Variants in CDH13 observed in about 807,000 individuals in gnomAD.
CDH13 encodes the protein cadherin-13.
CDH13 carries 24 observed loss-of-function variants against 63.8 expected under a neutral mutation model. The observed-to-expected ratio is 0.38, with a 90% CI of 0.27 to 0.53. The LOEUF is 0.53. CDH13 is among the 20% of genes least tolerant of loss of function. The pLI, the probability that CDH13 is intolerant of heterozygous loss-of-function variation, is 0.85. For synonymous variants in CDH13, 503 were observed against 355.3 expected (o/e 1.42, Z -4.67); for missense variants, 1,049 against 903.1 (o/e 1.16, Z -2.07).
At position 83,470,335 on chromosome 16, in the gene CDH13, A is replaced by G. The variant is rs542079871; in HGVS notation, c.782-16142A>G. ...GTCTCCCAAACTGCTGGGATTACAG[A>G]TGTGAGCACTACACCCAGCCAATCT... On this transcript the variant is annotated intron_variant, in intron 6 of 13. Coordinates refer to ENST00000567109, the MANE Select transcript of CDH13 (RefSeq NM_001257.5). Among the ~76,000 whole-genome samples, 6 of 152,204 alleles carry G rather than the reference A, an allele frequency of 3.9e-5. No homozygotes were observed. The South Asian group carries it at 1.2e-3, about 32-fold the overall frequency.
chr16:83,483,588 A>G lies in CDH13; in HGVS notation c.782-2889A>G, dbSNP rs141201984. Reference sequence around the variant, plus strand: ...GCAGATTAAATAGGGCACAAATCCAATCAATCGAGCATTCATTAGACATTA... The same window carrying G: ...GCAGATTAAATAGGGCACAAATCCAGTCAATCGAGCATTCATTAGACATTA... On this transcript the variant is annotated intron_variant, in intron 6 of 13. Coordinates refer to ENST00000567109, the MANE Select transcript of CDH13 (RefSeq NM_001257.5). Among the ~76,000 whole-genome samples, 489 of 152,192 alleles carry G rather than the reference A, an allele frequency of 3.2e-3. 1 individual carries two copies. Among genetic ancestry groups the G allele is most frequent in the African/African-American group, 0.011 (460 of 41,526 alleles).
intron 2 of CDH13, among the ~76,000 whole-genome samples, chr16:83,004,485 G>C (rs1913270372): frequency 6.6e-6 from 1 of 152,030 alleles, no homozygotes; most frequent in Admixed American, 6.5e-5. Flanking sequence ...GTCATGCAAG[G>C]ACCCCTGTTT....
At position 83,346,181 on chromosome 16, in the gene CDH13, T is replaced by C. The variant is rs75215684; in HGVS notation, c.781+1175T>C. Among the ~76,000 whole-genome samples the C allele has an allele frequency of 5.0e-3, 764 of 152,186 alleles. 6 individuals are homozygous for C. The highest frequency in any genetic ancestry group is 0.017 in the African/African-American group (714 of 41,514). On this transcript the variant is annotated intron_variant, in intron 6 of 13. Coordinates refer to ENST00000567109, the MANE Select transcript of CDH13 (RefSeq NM_001257.5). Reference sequence around the variant, plus strand: ...CACTGCGTGTGTGCTGGAGGGTGTTTAGGGGAGTGTTGGAGGCAGATGGCA... The same window carrying C: ...CACTGCGTGTGTGCTGGAGGGTGTTCAGGGGAGTGTTGGAGGCAGATGGCA...
chr16:82,721,551 T>C (rs2032771959), intron 1 of CDH13, among the ~76,000 whole-genome samples: 1 of 152,032 alleles, frequency 6.6e-6, no homozygotes, highest in Non-Finnish European at 1.5e-5. Context: ...AGAAAGGTAC[T>C]CCAGGTAGAA....
At chr16:82,772,989 C>A (rs1275133205) in intron 1 of CDH13, among the ~76,000 whole-genome samples, 21 of 152,068 alleles carry the variant, frequency 1.4e-4, no homozygotes, top group Admixed American at 1.0e-3. Context: ...GGAAAAAAAA[C>A]CATGTAGAGA....
intron 4 of CDH13, among the ~76,000 whole-genome samples, chr16:83,126,084 A>G (rs2035799426): frequency 6.6e-6 from 1 of 152,228 alleles, no homozygotes; most frequent in Non-Finnish European, 1.5e-5. Flanking sequence ...CCTCTTTAAG[A>G]GAGTCAACAT....
intron 3 of CDH13, among the ~76,000 whole-genome samples, chr16:83,044,174 A>C (rs1250906087): frequency 6.6e-6 from 1 of 151,416 alleles, no homozygotes; most frequent in Non-Finnish European, 1.5e-5. Context: ...CAGATGCAGA[A>C]GTAGCTCAGG....
At chr16:83,001,975 A>T (rs957800400) in intron 2 of CDH13, among the ~76,000 whole-genome samples, 1 of 152,332 alleles carries the variant, frequency 6.6e-6, no homozygotes, top group Non-Finnish European at 1.5e-5. Context: ...AAAAGTTCCA[A>T]CCACATTCCA....
At chr16:83,709,551 G>A (rs1296415448) in intron 10 of CDH13, among the ~76,000 whole-genome samples, 2 of 152,140 alleles carry the variant, frequency 1.3e-5, no homozygotes, top group Admixed American at 6.5e-5. Context: ...TGCCCACATG[G>A]GCTTTATACA....
intron 6 of CDH13, among the ~76,000 whole-genome samples, chr16:83,406,517 G>A (rs2092050309): frequency 6.6e-6 from 1 of 151,436 alleles, no homozygotes; most frequent in African/African-American, 2.4e-5. Context: ...AGGCTGGAGT[G>A]CAATGGCACA....
intron 1 of CDH13, among the ~76,000 whole-genome samples, chr16:82,845,635 G>T (rs1597784166): frequency 6.6e-6 from 1 of 152,148 alleles, no homozygotes; most frequent in African/African-American, 2.4e-5. Flanking sequence ...CACATGGTAG[G>T]CATTCATTAT....
chr16:83,414,751 C>T (rs1202268593), intron 6 of CDH13, among the ~76,000 whole-genome samples: 2 of 152,156 alleles, frequency 1.3e-5, no homozygotes, highest in Non-Finnish European at 2.9e-5. Context: ...GCAGAATATC[C>T]TTCACTTGTG....
intron 4 of CDH13, among the ~76,000 whole-genome samples, chr16:83,180,653 T>C (rs947991860): frequency 6.6e-5 from 10 of 152,214 alleles, no homozygotes; most frequent in African/African-American, 2.4e-4. Context: ...CCATATTATC[T>C]TGGAACTATG....
At chr16:82,946,263 T>C (rs960546825) in intron 2 of CDH13, among the ~76,000 whole-genome samples, 1 of 151,246 alleles carries the variant, frequency 6.6e-6, no homozygotes, top group Non-Finnish European at 1.5e-5. Context: ...TAAATGGATG[T>C]GGGAGGGAAG....
At chr16:82,628,665 G>T (rs1042055188) in intron 1 of CDH13, among the ~76,000 whole-genome samples, 2 of 152,064 alleles carry the variant, frequency 1.3e-5, no homozygotes, top group African/African-American at 2.4e-5. Flanking sequence ...TTATCTTGGG[G>T]TCCCTACAGC....
rs753900035 is a variant in CDH13 at position 83,032,106 on chromosome 16, G to T, written c.254G>T (p.Arg85Ile). 8.7e-6 allele frequency: 14 copies of T among 1,613,222 alleles called. No individual in the cohort carries two copies. The highest frequency in any genetic ancestry group is 1.7e-5 in the Admixed American group (1 of 59,934). ...AGCGATGGCGGCTTAGTTGCTCTGA[G>T]AAACATAACTGCAGTGGGCAAAACT... ...VNSDGGLVALRNITAVGKTLF... is the reference protein window; with the variant it reads ...VNSDGGLVALINITAVGKTLF... Residue 85 changes from arginine to isoleucine, a missense_variant, in exon 3 of 14, where the codon AGA (arginine) becomes ATA (isoleucine). Physicochemically the swap from Arg to Ile is moderately conservative, Grantham distance 97 (BLOSUM62 -3). Transcript: ENST00000567109.
rs59849831 is a variant in CDH13, at chr16:82,761,901, A to G, written c.46-96461A>G. Among the ~76,000 whole-genome samples, 1,181 of 152,320 alleles carry G rather than the reference A, an allele frequency of 7.8e-3. 19 individuals are homozygous for G. The highest frequency in any genetic ancestry group is 0.027 in the African/African-American group (1,131 of 41,572). ...GTAGGAAAAATATCAAAATATAATA[A>G]CTTTAGATAATAAGAAAAATGGTTT... is the stretch of plus-strand genomic sequence containing the variant. On this transcript the variant is annotated intron_variant, in intron 1 of 13. Coordinates refer to ENST00000567109, the MANE Select transcript of CDH13 (RefSeq NM_001257.5).
At chr16:82,706,413 A>T (rs1468978872) in intron 1 of CDH13, among the ~76,000 whole-genome samples, 2 of 152,174 alleles carry the variant, frequency 1.3e-5, no homozygotes, top group Non-Finnish European at 2.9e-5. Flanking sequence ...GATGAGACAG[A>T]CTCAGCAGCC....
At chr16:83,384,388 C>A (rs990471628) in intron 6 of CDH13, among the ~76,000 whole-genome samples, 3 of 152,082 alleles carry the variant, frequency 2.0e-5, no homozygotes, top group Non-Finnish European at 4.4e-5. Context: ...GTCCCCCAGG[C>A]CAGTGAAAGA....
Sources: allele counts gnomAD v4.1 joint callset (sites outside exome capture counted in the v4.1 genomes callset), GRCh38; gene constraint gnomAD v4.1.1; transcripts MANE v1.5; gene names NCBI Gene and HGNC (gene_info 2026-07-23, HGNC 2026-07-21).